The following ADAMTS2 variants were observed in gnomAD, a reference collection of about 807,000 sequenced individuals.
The protein encoded by ADAMTS2 is ADAM metallopeptidase with thrombospondin type 1 motif 2, also known as A disintegrin and metalloproteinase with thrombospondin motifs 2.
ADAMTS2 carries 50 observed loss-of-function variants against 123.0 expected under a neutral mutation model. The ratio of observed to expected loss-of-function variants is 0.41; its 90% CI spans 0.32 to 0.51. The LOEUF (loss-of-function observed/expected upper bound fraction) is 0.51. ADAMTS2 is among the 20% of genes least tolerant of loss of function. The pLI is 0.35. For missense variants in ADAMTS2, 1,494 were observed against 1,705.2 expected (o/e 0.88, Z 2.18); for synonymous variants, 678 against 695.4 (o/e 0.98, Z 0.39).
chr5:179,333,540 G>C (rs1757531536), intron 2 of ADAMTS2, among the ~76,000 whole-genome samples: 1 of 150,900 alleles, frequency 6.6e-6, no homozygotes, highest in Non-Finnish European at 1.5e-5. Context: ...CAGGCAGAGA[G>C]ATCACACAAT....
At chr5:179,306,796 C>T (rs1171421723) in intron 2 of ADAMTS2, among the ~76,000 whole-genome samples, 1 of 152,190 alleles carries the variant, frequency 6.6e-6, no homozygotes, top group Non-Finnish European at 1.5e-5. Context: ...AGCAGAGAGC[C>T]AGGCAGATGA....
intron 4 of ADAMTS2, among the ~76,000 whole-genome samples, chr5:179,198,963 A>G (rs1415865536): frequency 6.6e-6 from 1 of 151,908 alleles, no homozygotes; most frequent in Non-Finnish European, 1.5e-5. Flanking sequence ...TGGGCCTCAG[A>G]GGTGTGTGGA....
At chr5:179,183,002 C>G (rs935020909) in intron 4 of ADAMTS2, among the ~76,000 whole-genome samples, 5 of 152,214 alleles carry the variant, frequency 3.3e-5, no homozygotes, top group Non-Finnish European at 7.3e-5. Context: ...CCCCCCATCA[C>G]AAAGCTGTTG....
At position 179,132,164 on chromosome 5, in the gene ADAMTS2, C is replaced by T; in HGVS notation, c.2290+66G>A. The T allele has an allele frequency of 1.3e-6, 2 of 1,527,128 alleles. No homozygotes were observed. Among genetic ancestry groups the T allele is most frequent in the South Asian group, 2.3e-5 (2 of 87,988 alleles). The allele number at this position is 1,527,128 out of a possible 1,614,324, so 94.6% of individuals were successfully genotyped here. On this transcript the variant is annotated intron_variant, in intron 15 of 21. Transcript: ENST00000251582. The surrounding 1 kb of genome is among the most constrained non-coding windows in gnomAD (Gnocchi z 6.1). ...GGCCCCTGACCCCTGACCCCTGGCA[C>T]TCTGCCCATTGATCCCAGAGGAGCC...
At chr5:179,140,125 C>T (rs1000471157) in intron 10 of ADAMTS2, 90 bp from the exon 11 acceptor site, 14 of 1,587,530 alleles carry the variant, frequency 8.8e-6, no homozygotes, top group East Asian at 2.2e-5. Context: ...GTCTGGGACA[C>T]GTCCTGGCCC....
chr5:179,161,146 C>T (rs1436795141), intron 5 of ADAMTS2, among the ~76,000 whole-genome samples: 2 of 152,222 alleles, frequency 1.3e-5, no homozygotes, highest in African/African-American at 4.8e-5. Context: ...GTATCTGCAT[C>T]ACATCCAAGC....
At position 179,202,105 on chromosome 5, in the gene ADAMTS2, G is replaced by A. The variant is rs1369733970; in HGVS notation, c.891+5408C>T. On this transcript the variant is annotated intron_variant, in intron 4 of 21. Coordinates refer to ENST00000251582, the MANE Select transcript of ADAMTS2 (RefSeq NM_014244.5). This position sits in a 1 kb window ranked among gnomAD's most constrained non-coding sequence, Gnocchi z 4.0. ...TTGTCTTTAACATAGACAGGAAGCA[G>A]CCCCTCCAGTGATTTCCACTGCTCC... 6.6e-6 allele frequency among the ~76,000 whole-genome samples: 1 copy of A among 152,096 alleles called. No individual in the cohort carries two copies. Among genetic ancestry groups the A allele is most frequent in the Non-Finnish European group, 1.5e-5 (1 of 68,018 alleles).
chr5:179,254,186 A>G (rs1765991840), intron 3 of ADAMTS2, among the ~76,000 whole-genome samples: 1 of 152,172 alleles, frequency 6.6e-6, no homozygotes, highest in Admixed American at 6.5e-5. Flanking sequence ...GGAATTATGC[A>G]GTATTATTAT....
chr5:179,129,892 A>G lies in ADAMTS2; in HGVS notation c.2457+40T>C. 1 of 1,611,716 alleles carries G rather than the reference A, an allele frequency of 6.2e-7. No homozygotes were observed. Among genetic ancestry groups the G allele is most frequent in the Non-Finnish European group, 8.5e-7 (1 of 1,179,566 alleles). ...CACCCCCATCCCTCCCCCAGTGGCC[A>G]CCCGCACCCTTCCCTGGGCCCAGCC... On this transcript the variant is annotated intron_variant, in intron 16 of 21. Coordinates refer to ENST00000251582, the MANE Select transcript of ADAMTS2 (RefSeq NM_014244.5). The surrounding 1 kb of genome is among the most constrained non-coding windows in gnomAD (Gnocchi z 4.1).
At chr5:179,341,714 C>CAA (rs36096225) in intron 2 of ADAMTS2, among the ~76,000 whole-genome samples, 2 of 65,126 alleles carry the variant, frequency 3.1e-5, no homozygotes, top group African/African-American at 6.6e-5. Context: ...GACTCCGTCT[C>CAA]AAAAAAAAAA....
chr5:179,210,098 G>A (rs1410395945), intron 3 of ADAMTS2, among the ~76,000 whole-genome samples: 1 of 152,230 alleles, frequency 6.6e-6, no homozygotes, highest in Non-Finnish European at 1.5e-5. Context: ...GGAATTAAGA[G>A]ATGGGGCCAC....
chr5:179,116,118 C>T (rs1762652880), intron 21 of ADAMTS2, among the ~76,000 whole-genome samples: 1 of 152,180 alleles, frequency 6.6e-6, no homozygotes, highest in Admixed American at 6.5e-5. Context: ...GCCCTTGTTC[C>T]TCCCCGTCTC....
intron 2 of ADAMTS2, among the ~76,000 whole-genome samples, chr5:179,316,521 G>A (rs775681398): frequency 3.8e-4 from 58 of 152,178 alleles, no homozygotes; most frequent in Admixed American, 1.0e-3. Context: ...CCACTCCCAG[G>A]GATGGCATTT....
At chr5:179,275,795 G>A (rs1561672195) in intron 2 of ADAMTS2, among the ~76,000 whole-genome samples, 1 of 152,250 alleles carries the variant, frequency 6.6e-6, no homozygotes, top group Non-Finnish European at 1.5e-5. Flanking sequence ...CCTCAGAACT[G>A]TGAGAGAACG....
chr5:179,269,585 C>G (rs1015115946), intron 3 of ADAMTS2, among the ~76,000 whole-genome samples: 1 of 152,068 alleles, frequency 6.6e-6, no homozygotes, highest in African/African-American at 2.4e-5. Flanking sequence ...TCACTGGGTC[C>G]CTCCCATAAC....
At position 179,242,724 on chromosome 5, in the gene ADAMTS2, T is replaced by G. The variant is rs1421959740; in HGVS notation, c.688+30187A>C. Among the ~76,000 whole-genome samples, 1 of 152,048 alleles carries G rather than the reference T, an allele frequency of 6.6e-6. No homozygotes were observed. The highest frequency in any genetic ancestry group is 2.4e-5 in the African/African-American group (1 of 41,368). On this transcript the variant is annotated intron_variant, in intron 3 of 21. Coordinates refer to ENST00000251582, the MANE Select transcript of ADAMTS2 (RefSeq NM_014244.5). This position sits in a 1 kb window ranked among gnomAD's most constrained non-coding sequence, Gnocchi z 4.2. ...CTTATGGGGAGTTCCACTCTGGGGG[T>G]GTGTGGCCAAGAACACAGGGCTCCC... is the stretch of plus-strand genomic sequence containing the variant.
intron 3 of ADAMTS2, among the ~76,000 whole-genome samples, chr5:179,209,161 G>A (rs930469759): frequency 5.9e-5 from 9 of 152,326 alleles, no homozygotes; most frequent in South Asian, 4.1e-4. Flanking sequence ...CCCGGCACAC[G>A]CTTCCTCACC....
intron 2 of ADAMTS2, among the ~76,000 whole-genome samples, chr5:179,277,188 G>A (rs557441542): frequency 4.6e-5 from 7 of 152,214 alleles, no homozygotes; most frequent in Admixed American, 1.3e-4. Flanking sequence ...GCCTCCAAGC[G>A]GTGGCATTCT....
intron 2 of ADAMTS2, among the ~76,000 whole-genome samples, chr5:179,318,933 G>A (rs1404867622): frequency 1.3e-5 from 2 of 152,228 alleles, no homozygotes; most frequent in African/African-American, 4.8e-5. Context: ...TGCACTCTGG[G>A]CAAGGGGCGT....
Sources: allele counts gnomAD v4.1 joint callset (sites outside exome capture counted in the v4.1 genomes callset), GRCh38; gene constraint gnomAD v4.1.1; non-coding constraint Gnocchi (gnomAD v3.1); transcripts MANE v1.5; gene names NCBI Gene and HGNC (gene_info 2026-07-23, HGNC 2026-07-21).